Variants in ARHGEF11 observed in about 807,000 individuals in gnomAD.
ARHGEF11 encodes the protein Rho guanine exchange factor (GEF) 11.
ARHGEF11 carries 55 observed loss-of-function variants against 193.7 expected under a neutral mutation model. The observed-to-expected ratio is 0.28, with a 90% CI of 0.23 to 0.36. The LOEUF is 0.36. Among genes scored for constraint, ARHGEF11 ranks in the 10% least tolerant of loss-of-function variants. ARHGEF11 has a pLI of 1.00. For synonymous variants in ARHGEF11, 693 were observed against 768.0 expected (o/e 0.90, Z 1.62); for missense variants, 1,723 against 2,005.6 (o/e 0.86, Z 2.69).
chr1:157,027,942 T>A lies in ARHGEF11; in HGVS notation c.32+16357A>T, dbSNP rs1391800333. 3.9e-5 allele frequency among the ~76,000 whole-genome samples: 6 copies of A among 152,202 alleles called. No individual in the cohort carries two copies. The East Asian group carries it at 9.6e-4, about 24-fold the overall frequency. On this transcript the variant is annotated intron_variant, in intron 1 of 40. Transcript: ENST00000368194. ...GGGTGGTGGGAAAGAGAAAGAGAGA[T>A]CCCTGAAGAGCTCTAGCTGTTTCAA...
chr1:156,978,112 C>CA (rs1215744497), intron 6 of ARHGEF11, 92 bp downstream of exon 6: 1 of 1,542,868 alleles, frequency 6.5e-7, no homozygotes, highest in Non-Finnish European at 8.8e-7. Flanking sequence ...CTGTTTACCA[C>CA]AGCCCCACTG....
chr1:156,946,955 C>T lies in ARHGEF11; in HGVS notation c.2549G>A (p.Ser850Asn). ...REEGPIIKEI[S>N]DLMLARFDGP... Reference sequence around the variant, plus strand: ...CCATACCCGGGCCAGCATGAGGTCACTGATCTCTTTGATGATGGGGCCTTC... The same window carrying T: ...CCATACCCGGGCCAGCATGAGGTCATTGATCTCTTTGATGATGGGGCCTTC... Residue 850 changes from serine to asparagine, a missense_variant, in exon 27 of 41, where the codon AGT becomes AAT. By Grantham distance (46) the Ser-to-Asn change is conservative. This residue lies in a region of ARHGEF11 where 491 missense variants were observed against 654.5 expected (regional missense o/e 0.75). Transcript: ENST00000368194. 3 of 1,614,108 alleles carry T rather than the reference C, an allele frequency of 1.9e-6. No homozygotes were observed. The South Asian group carries it at 3.3e-5, about 18-fold the overall frequency.
At chr1:157,005,391 G>A (rs1345392314) in intron 1 of ARHGEF11, among the ~76,000 whole-genome samples, 1 of 152,158 alleles carries the variant, frequency 6.6e-6, no homozygotes, top group Admixed American at 6.5e-5. Flanking sequence ...GTTGGATAGT[G>A]CAAAAGATGG....
rs112946239 is a variant in ARHGEF11 at position 156,946,117 on chromosome 1, G to A, written c.2740C>T (p.Leu914Phe). The A allele has an allele frequency of 2.5e-6, 4 of 1,613,492 alleles. No individual in the cohort carries two copies. Among genetic ancestry groups the A allele is most frequent in the African/African-American group, 2.7e-5 (2 of 74,920 alleles). The change falls in exon 29 of 41, where the codon CTC (leucine) becomes TTC (phenylalanine). Residue 914 changes from leucine to phenylalanine, a missense_variant. Leu to Phe is a conservative substitution (Grantham distance 22, BLOSUM62 0). Transcript: ENST00000368194. ...AGCCGCTGCATCTCAGAGATGATGA[G>A]GTCTCTCAGCTGCAGCCGCCGACAC... The part of the protein sequence containing the change: ...PQCRRLQLRD[L>F]IISEMQRLTK...
At chr1:156,985,545 T>A (rs548041794) in intron 2 of ARHGEF11, among the ~76,000 whole-genome samples, 1 of 152,232 alleles carries the variant, frequency 6.6e-6, no homozygotes, top group South Asian at 2.1e-4. Context: ...TGCCTCAGCC[T>A]CCTGAGTAGC....
At chr1:156,942,885 G>T in intron 32 of ARHGEF11, 105 bp from the exon 33 acceptor site, 1 of 898,820 alleles carries the variant, frequency 1.1e-6, no homozygotes, top group Non-Finnish European at 1.8e-6. Flanking sequence ...GACCCTCAAC[G>T]CAGATGGAGA....
chr1:157,016,471 C>T (rs1212131078), intron 1 of ARHGEF11, among the ~76,000 whole-genome samples: 9 of 152,128 alleles, frequency 5.9e-5, no homozygotes, highest in Non-Finnish European at 7.4e-5. Flanking sequence ...CCACCTGCCT[C>T]GGCCTCCTGA....
Position 156,986,096 on chromosome 1 carries a change from G to A in ARHGEF11, c.110C>T (p.Ala37Val). Residue 37 changes from alanine (A) to valine (V), a missense_variant, in exon 2 of 41, where the codon GCC becomes GTC. Ala to Val is a moderately conservative substitution (Grantham distance 64). Around this residue, in one of 5 missense-constraint regions of ARHGEF11, gnomAD observed 646 missense variants for 710.7 expected, o/e 0.91. Coordinates refer to ENST00000368194, the MANE Select transcript of ARHGEF11 (RefSeq NM_198236.3). ...AAGGAGGTTACCTGTTGTCTCAGAG[G>A]CATCCGAAGGCTGGCGATGGTGGGA... Reference protein sequence around the residue: ...SPSHHRQPSDASETTGLVQRC... With the variant: ...SPSHHRQPSDVSETTGLVQRC... 6.2e-7 allele frequency: 1 copy of A among 1,613,800 alleles called. No homozygotes were observed. Among genetic ancestry groups the A allele is most frequent in the Non-Finnish European group, 8.5e-7 (1 of 1,179,778 alleles).
intron 1 of ARHGEF11, among the ~76,000 whole-genome samples, chr1:157,021,397 T>C (rs1378287568): frequency 6.6e-6 from 1 of 152,100 alleles, no homozygotes; most frequent in African/African-American, 2.4e-5. Context: ...AAAGAGACAA[T>C]GACAAGGATA....
At chr1:156,956,635 C>A (rs550478195) in intron 18 of ARHGEF11, 71 bp from the exon 19 acceptor site, 1 of 1,595,608 alleles carries the variant, frequency 6.3e-7, no homozygotes, top group East Asian at 2.2e-5. Context: ...AATCTCTTCA[C>A]CACCACGCAG....
At chr1:156,955,129 T>C (rs1267653956) in intron 20 of ARHGEF11, among the ~76,000 whole-genome samples, 1 of 152,164 alleles carries the variant, frequency 6.6e-6, no homozygotes, top group African/African-American at 2.4e-5. Context: ...CAGATTCCCA[T>C]TGATATTGGG....
intron 7 of ARHGEF11, among the ~76,000 whole-genome samples, chr1:156,976,578 G>A (rs1663290596): frequency 6.6e-6 from 1 of 152,000 alleles, no homozygotes; most frequent in Admixed American, 6.5e-5. Context: ...ACTGTTCTCT[G>A]TGCACATCAC....
chr1:157,008,598 A>G (rs1668186210), intron 1 of ARHGEF11, among the ~76,000 whole-genome samples: 2 of 152,210 alleles, frequency 1.3e-5, no homozygotes, highest in African/African-American at 4.8e-5. Context: ...ATGGTGACCC[A>G]AGCTGACTAA....
intron 21 of ARHGEF11, among the ~76,000 whole-genome samples, chr1:156,954,480 C>T (rs918343114): frequency 3.4e-5 from 5 of 147,464 alleles, no homozygotes; most frequent in African/African-American, 1.2e-4. Context: ...CTCACTTATA[C>T]AGAACTCTGG....
intron 11 of ARHGEF11, among the ~76,000 whole-genome samples, chr1:156,963,981 T>C (rs565993377): frequency 2.6e-5 from 4 of 152,346 alleles, no homozygotes; most frequent in African/African-American, 9.6e-5. Flanking sequence ...CAGCCACCCC[T>C]ACCCCAAACA....
intron 1 of ARHGEF11, among the ~76,000 whole-genome samples, chr1:156,987,688 C>T (rs1473613598): frequency 6.6e-6 from 1 of 152,176 alleles, no homozygotes; most frequent in Non-Finnish European, 1.5e-5. Context: ...TTCGTTCCCC[C>T]TCACAATGGC....
At chr1:157,013,300 C>CACA (rs1553228482) in intron 1 of ARHGEF11, among the ~76,000 whole-genome samples, 12 of 133,942 alleles carry the variant, frequency 9.0e-5, no homozygotes, top group South Asian at 3.0e-4. Context: ...CACACACACA[C>CACA]CAAGAACCTT....
intron 1 of ARHGEF11, among the ~76,000 whole-genome samples, chr1:157,005,749 C>A (rs1667743887): frequency 6.6e-6 from 1 of 152,198 alleles, no homozygotes; most frequent in Non-Finnish European, 1.5e-5. Flanking sequence ...CCATTTATTT[C>A]AAGTTATATT....
chr1:157,011,894 G>T (rs1360114116), intron 1 of ARHGEF11, among the ~76,000 whole-genome samples: 1 of 152,126 alleles, frequency 6.6e-6, no homozygotes, highest in Non-Finnish European at 1.5e-5. Flanking sequence ...ATGTAAAATA[G>T]GGCAGCCACT....
Sources: allele counts gnomAD v4.1 joint callset (sites outside exome capture counted in the v4.1 genomes callset), GRCh38; gene constraint gnomAD v4.1.1; regional missense constraint gnomAD v4.1.1; transcripts MANE v1.5; gene names NCBI Gene and HGNC (gene_info 2026-07-23, HGNC 2026-07-21).